The following RORB variants were observed in gnomAD, a reference collection of about 807,000 sequenced individuals.
RORB encodes nuclear receptor ROR-beta.
A neutral mutation model predicts 59.1 loss-of-function variants in RORB; 6 were observed. The observed-to-expected ratio is 0.10, with a 90% CI of 0.06 to 0.20. The LOEUF (loss-of-function observed/expected upper bound fraction) is 0.20. RORB is among the 10% of genes least tolerant of loss of function. The pLI is 1.00. For synonymous variants in RORB, 215 were observed against 204.5 expected (o/e 1.05, Z -0.44); for missense variants, 320 against 560.5 (o/e 0.57, Z 4.33).
At chr9:74,604,569 A>G (rs1167091647) in intron 1 of RORB, among the ~76,000 whole-genome samples, 1 of 152,206 alleles carries the variant, frequency 6.6e-6, no homozygotes, top group Non-Finnish European at 1.5e-5. Context: ...GTTGGGATAC[A>G]GCTCTTAATT....
intron 5 of RORB, among the ~76,000 whole-genome samples, chr9:74,661,503 A>G (rs1350396377): frequency 6.6e-6 from 1 of 152,182 alleles, no homozygotes; most frequent in Non-Finnish European, 1.5e-5. Flanking sequence ...AAAAATTAGA[A>G]TTAACACACA....
At chr9:74,543,997 G>A (rs1445335332) in intron 1 of RORB, among the ~76,000 whole-genome samples, 5 of 152,186 alleles carry the variant, frequency 3.3e-5, no homozygotes, top group Middle Eastern at 3.2e-3. Context: ...CCAATCCCTT[G>A]ACCTAGGGTT....
chr9:74,562,494 C>T (rs1427437023), intron 1 of RORB, among the ~76,000 whole-genome samples: 1 of 152,120 alleles, frequency 6.6e-6, no homozygotes, highest in African/African-American at 2.4e-5. Flanking sequence ...AGAGGTGGAG[C>T]TCTGAATGCT....
chr9:74,638,468 A>C (rs1243215021), intron 3 of RORB, among the ~76,000 whole-genome samples: 1 of 152,202 alleles, frequency 6.6e-6, no homozygotes, highest in Non-Finnish European at 1.5e-5. Flanking sequence ...TGTATACAGA[A>C]TTGTGCTGGT....
Position 74,571,867 on chromosome 9 carries a change from T to C in RORB, c.8-58415T>C, listed in dbSNP as rs369140506. 7.9e-5 allele frequency among the ~76,000 whole-genome samples: 12 copies of C among 152,246 alleles called. No homozygotes were observed. In the East Asian group the frequency reaches 1.2e-3, roughly 15 times the overall value. On this transcript the variant is annotated intron_variant, in intron 1 of 9. Coordinates refer to ENST00000376896, the MANE Select transcript of RORB (RefSeq NM_006914.4). ...TGTAGTAAATGCTTTCTGAGCCATCTTCCTCACACAAAGAAGCGGTGATAA... is the reference window on the plus strand; with the variant it reads ...TGTAGTAAATGCTTTCTGAGCCATCCTCCTCACACAAAGAAGCGGTGATAA...
chr9:74,504,853 T>G (rs1825848519), intron 1 of RORB, among the ~76,000 whole-genome samples: 1 of 152,096 alleles, frequency 6.6e-6, no homozygotes, highest in Admixed American at 6.5e-5. Context: ...TTTCAATAAA[T>G]AATTGCAATA....
chr9:74,617,456 C>T (rs933862220), intron 1 of RORB, among the ~76,000 whole-genome samples: 1 of 152,176 alleles, frequency 6.6e-6, no homozygotes, highest in East Asian at 1.9e-4. Flanking sequence ...ACTTCACCAG[C>T]TTACATAAAC....
chr9:74,599,299 C>G (rs1038824364), intron 1 of RORB, among the ~76,000 whole-genome samples: 1 of 151,980 alleles, frequency 6.6e-6, no homozygotes, highest in Non-Finnish European at 1.5e-5. Context: ...ACTCCCAACT[C>G]CAGTCTTTCC....
chr9:74,661,705 C>T lies in RORB; in HGVS notation c.760-769C>T, dbSNP rs570559709. 8.1e-3 allele frequency among the ~76,000 whole-genome samples: 1,000 copies of T among 123,402 alleles called. 13 individuals are homozygous for T. Among genetic ancestry groups the T allele is most frequent in the African/African-American group, 0.03 (956 of 32,394 alleles). The allele number at this position is 123,402 out of a possible 152,430, so 81.0% of individuals were successfully genotyped here. A position where few individuals can be genotyped will look rare whatever the true frequency, so the allele number is the denominator to read the frequency against. The stretch of plus-strand genomic sequence containing the variant: ...TGTCACCCATGCTGGAGTGCAGTGG[C>T]GCGATCTCGGCTCACTGCAAGCTCC... On this transcript the variant is annotated intron_variant, in intron 5 of 9. Transcript: ENST00000376896.
At chr9:74,611,009 G>A (rs556375618) in intron 1 of RORB, among the ~76,000 whole-genome samples, 2 of 152,250 alleles carry the variant, frequency 1.3e-5, no homozygotes, top group Admixed American at 6.5e-5. Flanking sequence ...TCTATTTGAG[G>A]GGATTTATCC....
At chr9:74,571,782 A>G (rs1241332570) in intron 1 of RORB, among the ~76,000 whole-genome samples, 1 of 152,188 alleles carries the variant, frequency 6.6e-6, no homozygotes, top group Non-Finnish European at 1.5e-5. Flanking sequence ...CAGATGTTAA[A>G]TATAGCCCTG....
chr9:74,621,169 G>A (rs1466443398), intron 1 of RORB, among the ~76,000 whole-genome samples: 2 of 151,952 alleles, frequency 1.3e-5, no homozygotes, highest in African/African-American at 4.8e-5. Flanking sequence ...TATTCTATAG[G>A]TTTTGACAAA....
intron 1 of RORB, among the ~76,000 whole-genome samples, chr9:74,532,576 C>A (rs942341301): frequency 1.5e-4 from 23 of 151,648 alleles, no homozygotes; most frequent in Admixed American, 7.9e-4. Flanking sequence ...GTTCAGGAGA[C>A]CCTTAGTAAG....
chr9:74,530,393 T>A (rs188917423), intron 1 of RORB, among the ~76,000 whole-genome samples: 46 of 152,136 alleles, frequency 3.0e-4, no homozygotes, highest in African/African-American at 1.1e-3. Flanking sequence ...TGGATGCTGC[T>A]GTGAAAACTT....
At position 74,667,782 on chromosome 9, in the gene RORB, C is replaced by A. The variant is rs760392646; in HGVS notation, c.1001-9C>A. On this transcript the variant is annotated splice_polypyrimidine_tract_variant and intron_variant, in intron 7 of 9. Transcript: ENST00000376896. ...GTATTTTTATTCCATTTTTCTTCTT[C>A]CTTTATAGGTTCTGATGACCTAGTG... 30 of 1,562,298 alleles carry A rather than the reference C, an allele frequency of 1.9e-5. No homozygotes were observed. Among genetic ancestry groups the A allele is most frequent in the Non-Finnish European group, 2.6e-5 (30 of 1,132,994 alleles).
At position 74,642,514 on chromosome 9, in the gene RORB, T is replaced by C; in HGVS notation, c.336T>C (p.Ser112=). The change falls in exon 4 of 10, where the codon AGT becomes AGC. Residue 112 remains serine, a synonymous_variant. Transcript: ENST00000376896. ...TGCAGGAACAGCGGCAGCAGCAGAG[T>C]GGGGAGGCAGAAGCCCTTGCCAGGG... ...QRLQEQRQQQ[S]GEAEALARVY... is the part of the protein sequence containing the mutation. 5 of 1,613,558 alleles carry C rather than the reference T, an allele frequency of 3.1e-6. No homozygotes were observed. The South Asian group carries it at 4.4e-5, about 14-fold the overall frequency.
intron 2 of RORB, 64 bp from the exon 3 acceptor site, chr9:74,634,567 C>T (rs989496786): frequency 7.0e-7 from 1 of 1,429,600 alleles, no homozygotes; most frequent in African/African-American, 1.4e-5. Context: ...CAAATGTATA[C>T]ATTAATGTTC....
rs116746084 is a variant in RORB at position 74,612,633 on chromosome 9, G to A, written c.8-17649G>A. Among the ~76,000 whole-genome samples, 237 of 152,214 alleles carry A rather than the reference G, an allele frequency of 1.6e-3. 1 individual carries two copies. The highest frequency in any genetic ancestry group is 4.8e-3 in the African/African-American group (201 of 41,532). On this transcript the variant is annotated intron_variant, in intron 1 of 9. Transcript: ENST00000376896. The stretch of plus-strand genomic sequence containing the variant: ...GTACCCATTTCCTGGTTGCGAGAGC[G>A]GGAGCTGGATTTTTATCAAGGCTCA...
At chr9:74,622,960 A>G (rs1266764376) in intron 1 of RORB, among the ~76,000 whole-genome samples, 1 of 152,154 alleles carries the variant, frequency 6.6e-6, no homozygotes, top group African/African-American at 2.4e-5. Context: ...AACAGATGAG[A>G]GGAATGCCAT....
Sources: allele counts gnomAD v4.1 joint callset (sites outside exome capture counted in the v4.1 genomes callset), GRCh38; gene constraint gnomAD v4.1.1; transcripts MANE v1.5; gene names NCBI Gene and HGNC (gene_info 2026-07-23, HGNC 2026-07-21).